ZMYND8: variants seen among roughly 807,000 people sequenced by gnomAD.
ZMYND8 encodes the protein zinc finger MYND-type containing 8.
In ZMYND8, 37 loss-of-function variants were observed where a neutral mutation model predicts 140.8. The ratio of observed to expected loss-of-function variants is 0.26; its 90% CI spans 0.20 to 0.35. The LOEUF is 0.35. Among genes scored for constraint, ZMYND8 ranks in the 10% least tolerant of loss-of-function variants. ZMYND8 has a pLI of 1.00. For synonymous variants in ZMYND8, 592 were observed against 597.1 expected, an observed-to-expected ratio of 0.99 and a Z score of 0.12; for missense variants, 1,068 against 1,570.0, an observed-to-expected ratio of 0.68 and a Z score of 5.40.
chr20:47,353,051 T>C (rs1410945845), intron 1 of ZMYND8: 2 of 152,144 alleles, frequency 1.3e-5, no homozygotes, highest in Non-Finnish European at 2.9e-5. Flanking sequence ...GGCTGACAAA[T>C]GTCTGCTGCC....
intron 21 of ZMYND8, among the ~76,000 whole-genome samples, chr20:47,214,801 C>T (rs1019004895): frequency 7.9e-5 from 12 of 152,108 alleles, no homozygotes; most frequent in East Asian, 3.9e-4. Flanking sequence ...GACCTAAATG[C>T]GGGGCTAAAT....
chr20:47,219,055 A>ATTTTTTTTTTTTTTTTTTTTTTTTTTTTT (rs3092175), intron 21 of ZMYND8, among the ~76,000 whole-genome samples: 14 of 110,916 alleles, frequency 1.3e-4, no homozygotes, highest in East Asian at 5.6e-4. Context: ...CGTTTCTACA[A>ATTTTTTTTTTTTTTTTTTTTTTTTTTTTT]TTTTTTTTTT....
intron 12 of ZMYND8, among the ~76,000 whole-genome samples, chr20:47,251,945 T>C (rs1422112149): frequency 1.3e-5 from 2 of 151,928 alleles, no homozygotes; most frequent in Admixed American, 6.6e-5. Flanking sequence ...GTTTGCATTT[T>C]TGACACTAAA....
intron 6 of ZMYND8, 76 bp downstream of exon 6, chr20:47,291,720 G>T: frequency 8.7e-7 from 1 of 1,147,662 alleles, no homozygotes; most frequent in Non-Finnish European, 1.2e-6. Context: ...TTGTGATAGA[G>T]CATAGGCAGT....
chr20:47,230,366 A>G (rs2038297111), intron 16 of ZMYND8, among the ~76,000 whole-genome samples: 1 of 150,898 alleles, frequency 6.6e-6, no homozygotes, highest in Admixed American at 6.6e-5. Flanking sequence ...ATCTTGGCTC[A>G]CTGCTACCTC....
intron 21 of ZMYND8, among the ~76,000 whole-genome samples, chr20:47,214,149 T>C (rs1181527658): frequency 6.6e-6 from 1 of 152,240 alleles, no homozygotes. Flanking sequence ...CTTCTAGATA[T>C]GTCACGTGCG....
intron 3 of ZMYND8, among the ~76,000 whole-genome samples, chr20:47,305,972 A>G (rs527300842): frequency 1.7e-4 from 26 of 152,352 alleles, no homozygotes; most frequent in African/African-American, 6.3e-4. Flanking sequence ...CGCCGAGAGC[A>G]TCTTCCCAGG....
rs2039262731 is a variant in ZMYND8 at position 47,236,552 on chromosome 20, G to C, written c.2666-36C>G. Reference sequence around the variant, plus strand: ...AAAGCATCCTGATTACCCCACGTGGGAAGGACCCATCCCAGCACAAAGCTG... The same window carrying C: ...AAAGCATCCTGATTACCCCACGTGGCAAGGACCCATCCCAGCACAAAGCTG... On this transcript the variant is annotated intron_variant, in intron 15 of 22. Transcript: ENST00000471951. 4 of 1,515,254 alleles carry C rather than the reference G, an allele frequency of 2.6e-6. No homozygotes were observed. The East Asian group carries it at 7.0e-5, about 27-fold the overall frequency. The allele number at this position is 1,515,254 out of a possible 1,614,324, so 93.9% of individuals were successfully genotyped here.
At chr20:47,262,970 GGAGAC>G (rs1485711241) in intron 11 of ZMYND8, among the ~76,000 whole-genome samples, 1 of 152,108 alleles carries the variant, frequency 6.6e-6, no homozygotes, top group Non-Finnish European at 1.5e-5. Context: ...ATGGAGTGAG[GGAGAC>G]GTTGGTAAAT....
intron 2 of ZMYND8, among the ~76,000 whole-genome samples, chr20:47,338,979 T>TC (rs1382440082): frequency 6.6e-6 from 1 of 151,120 alleles, no homozygotes; most frequent in Non-Finnish European, 1.5e-5. Context: ...TTCTTTTTTT[T>TC]TTTTTTTTTG....
intron 2 of ZMYND8, among the ~76,000 whole-genome samples, chr20:47,310,802 A>C (rs2078871592): frequency 6.6e-6 from 1 of 151,648 alleles, no homozygotes; most frequent in Non-Finnish European, 1.5e-5. Context: ...AAAAAAAAAA[A>C]AAAAACAGAT....
At chr20:47,304,631 C>A (rs866345844) in intron 3 of ZMYND8, among the ~76,000 whole-genome samples, 1 of 152,174 alleles carries the variant, frequency 6.6e-6, no homozygotes, top group Non-Finnish European at 1.5e-5. Context: ...AGGGACCATA[C>A]CTGAGTGAAA....
intron 2 of ZMYND8, among the ~76,000 whole-genome samples, chr20:47,338,198 A>C (rs1397425476): frequency 6.6e-6 from 1 of 152,120 alleles, no homozygotes; most frequent in Admixed American, 6.6e-5. Flanking sequence ...TTCCCTGGCC[A>C]GAGACGTGCA....
intron 2 of ZMYND8, chr20:47,318,624 A>G (rs1173218214): frequency 4.8e-6 from 2 of 413,484 alleles, no homozygotes; most frequent in East Asian, 1.4e-4. Context: ...TTAGCAAATG[A>G]TTATTTCCTC....
rs115720856 is a variant in ZMYND8 at position 47,318,128 on chromosome 20, T to G, written c.86-7924A>C. Among the ~76,000 whole-genome samples, 1,085 of 152,002 alleles carry G rather than the reference T, an allele frequency of 7.1e-3. 12 individuals carry two copies. Among genetic ancestry groups the G allele is most frequent in the African/African-American group, 0.025 (1,044 of 41,436 alleles). On this transcript the variant is annotated intron_variant, in intron 2 of 22. Coordinates refer to ENST00000471951, the MANE Select transcript of ZMYND8 (RefSeq NM_001281775.3). ...AGCATGTTAAATCAATTCCACAAGT[T>G]CAAAGCTATGGAAAACACCGGCCTG...
intron 2 of ZMYND8, among the ~76,000 whole-genome samples, chr20:47,336,925 A>C (rs1387239491): frequency 1.3e-5 from 2 of 152,048 alleles, no homozygotes; most frequent in African/African-American, 4.8e-5. Context: ...GCCAGCCACA[A>C]TCACTGATCT....
At chr20:47,214,991 G>T (rs2035866456) in intron 21 of ZMYND8, among the ~76,000 whole-genome samples, 1 of 152,174 alleles carries the variant, frequency 6.6e-6, no homozygotes, top group South Asian at 2.1e-4. Flanking sequence ...GCTGAAGTGG[G>T]AGAATGGCTT....
chr20:47,346,815 C>T (rs1349156656), intron 2 of ZMYND8, among the ~76,000 whole-genome samples: 3 of 152,188 alleles, frequency 2.0e-5, no homozygotes, highest in Non-Finnish European at 4.4e-5. Context: ...ACCATGTTGG[C>T]CAGGCTGGTC....
intron 18 of ZMYND8, among the ~76,000 whole-genome samples, chr20:47,225,059 A>T (rs1389314994): frequency 2.0e-5 from 3 of 152,200 alleles, no homozygotes; most frequent in Non-Finnish European, 4.4e-5. Flanking sequence ...AGATGAGGAA[A>T]CCGAGGCAAA....
Sources: allele counts gnomAD v4.1 joint callset (sites outside exome capture counted in the v4.1 genomes callset), GRCh38; gene constraint gnomAD v4.1.1; transcripts MANE v1.5; gene names NCBI Gene and HGNC (gene_info 2026-07-23, HGNC 2026-07-21).